Variants in ARL13B observed in about 807,000 individuals in gnomAD.
The protein encoded by ARL13B is ADP-ribosylation factor-like protein 13B.
A neutral mutation model predicts 56.1 loss-of-function variants in ARL13B; 36 were observed. That is an observed-to-expected ratio of 0.64 (90% CI 0.49 to 0.85). ARL13B has a LOEUF of 0.85. Among genes scored for constraint, ARL13B ranks in the 40% least tolerant of loss-of-function variants. The pLI is 0.00. For missense variants in ARL13B, 519 were observed against 507.1 expected, an observed-to-expected ratio of 1.02 and a Z score of -0.23; for synonymous variants, 178 against 171.1, an observed-to-expected ratio of 1.04 and a Z score of -0.32.
At chr3:94,049,237 A>T (rs2077029730) in intron 7 of ARL13B, among the ~76,000 whole-genome samples, 169 bp from the exon 8 acceptor site, 2 of 152,216 alleles carry the variant, frequency 1.3e-5, no homozygotes, top group Non-Finnish European at 2.9e-5. Flanking sequence ...TAAAAAATAT[A>T]TTCTTAGTAA....
Position 94,014,513 on chromosome 3 carries a change from T to C in ARL13B, c.380+10605T>C, listed in dbSNP as rs111366609. ...ACATACTCTTTTGTACTATTCACTGTCATTTCAATATTGTTGATGCTCTCT... is the reference window on the plus strand; with the variant it reads ...ACATACTCTTTTGTACTATTCACTGCCATTTCAATATTGTTGATGCTCTCT... On this transcript the variant is annotated intron_variant, in intron 3 of 9. Transcript: ENST00000394222. The C allele has an allele frequency of 1.1e-4, 173 of 1,612,416 alleles. 1 individual carries two copies. The African/African-American group carries it at 1.6e-3, about 15-fold the overall frequency.
chr3:93,980,359 G>T lies in ARL13B; in HGVS notation c.-65G>T. 6.3e-7 allele frequency: 1 copy of T among 1,596,288 alleles called. No individual in the cohort carries two copies. Among genetic ancestry groups the T allele is most frequent in the African/African-American group, 1.3e-5 (1 of 74,888 alleles). ...GTCTCGGAGTGCCGGAGGCCCCCGG[G>T]GAAGAGCGGGGTGCCGGTGTCCGCT... On this transcript the variant is annotated 5_prime_UTR_variant, in exon 1 of 10. Coordinates refer to ENST00000394222, the MANE Select transcript of ARL13B (RefSeq NM_001174150.2).
intron 1 of ARL13B, 106 bp downstream of exon 1, chr3:93,980,588 C>T: frequency 3.6e-6 from 5 of 1,371,732 alleles, no homozygotes; most frequent in Non-Finnish European, 5.1e-6. Flanking sequence ...TATCCCAGGC[C>T]GCAAGGGATG....
At chr3:93,984,906 G>T (rs1469534173) in intron 1 of ARL13B, among the ~76,000 whole-genome samples, 1 of 151,854 alleles carries the variant, frequency 6.6e-6, no homozygotes, top group African/African-American at 2.4e-5. Context: ...GCTACTTGGG[G>T]GGCTGAGGCA....
At chr3:94,049,370 A>G (rs780013297) in intron 7 of ARL13B, 36 bp from the exon 8 acceptor site, 5 of 1,330,292 alleles carry the variant, frequency 3.8e-6, no homozygotes, top group South Asian at 2.6e-5. Flanking sequence ...GCACTTTTTC[A>G]TAAAGACATG....
At position 94,043,230 on chromosome 3, in the gene ARL13B, A is replaced by G; in HGVS notation, c.1014A>G (p.Ser338=). The G allele has an allele frequency of 6.2e-7, 1 of 1,612,808 alleles. No individual in the cohort carries two copies. The highest frequency in any genetic ancestry group is 8.5e-7 in the Non-Finnish European group (1 of 1,179,372). ...LKNEDETDRP[S]LESANGKKKT... is the part of the protein sequence containing the mutation. Reference sequence around the variant, plus strand: ...ATGAAGATGAGACAGACCGGCCATCATTGGAATCAGGTAATAAATCTAGTT... The same window carrying G: ...ATGAAGATGAGACAGACCGGCCATCGTTGGAATCAGGTAATAAATCTAGTT... The change falls in exon 7 of 10, where the codon TCA becomes TCG. Residue 338 remains serine, a synonymous_variant. Transcript: ENST00000394222.
At chr3:93,991,611 T>G (rs1300353257) in intron 1 of ARL13B, among the ~76,000 whole-genome samples, 12 of 152,196 alleles carry the variant, frequency 7.9e-5, no homozygotes. Flanking sequence ...GCTTAAGTGA[T>G]CCTCCTGCTT....
At chr3:94,043,451 A>C (rs2076900018) in intron 7 of ARL13B, among the ~76,000 whole-genome samples, 1 of 150,390 alleles carries the variant, frequency 6.6e-6, no homozygotes, top group Non-Finnish European at 1.5e-5. Context: ...GTCCTTTGTA[A>C]CTTATAAGGA....
intron 6 of ARL13B, among the ~76,000 whole-genome samples, chr3:94,040,624 G>T (rs2076845280): frequency 6.7e-6 from 1 of 150,182 alleles, no homozygotes; most frequent in South Asian, 2.1e-4. Flanking sequence ...TGGCAGCAGC[G>T]ATGCCTCTTC....
At chr3:94,051,770 C>T (rs1286678319) in intron 9 of ARL13B, among the ~76,000 whole-genome samples, 1 of 152,056 alleles carries the variant, frequency 6.6e-6, no homozygotes, top group Non-Finnish European at 1.5e-5. Context: ...AAAAGCATTA[C>T]CATATAATTT....
intron 1 of ARL13B, among the ~76,000 whole-genome samples, chr3:93,987,673 C>T (rs867695899): frequency 5.9e-5 from 9 of 152,068 alleles, no homozygotes; most frequent in Admixed American, 1.3e-4. Context: ...TTTTCTGAAA[C>T]GGTCTCTCTC....
intron 3 of ARL13B, among the ~76,000 whole-genome samples, chr3:94,019,572 ACCCCC>A (rs2076405450): frequency 7.0e-6 from 1 of 143,190 alleles, no homozygotes; most frequent in Admixed American, 6.9e-5. Flanking sequence ...TGCACCAACT[ACCCCC>A]CATCCTGCCC....
chr3:94,047,199 G>A (rs1458261340), intron 7 of ARL13B, among the ~76,000 whole-genome samples: 2 of 152,082 alleles, frequency 1.3e-5, no homozygotes, highest in Non-Finnish European at 2.9e-5. Context: ...AATTTTTATA[G>A]TATCACAGGG....
At chr3:94,042,212 A>G (rs2076875959) in intron 6 of ARL13B, among the ~76,000 whole-genome samples, 1 of 152,212 alleles carries the variant, frequency 6.6e-6, no homozygotes, top group African/African-American at 2.4e-5. Context: ...GGTATTGAAT[A>G]TGATGTAGAA....
intron 3 of ARL13B, among the ~76,000 whole-genome samples, chr3:94,026,301 G>A (rs967941548): frequency 2.6e-5 from 4 of 152,088 alleles, no homozygotes; most frequent in South Asian, 4.1e-4. Flanking sequence ...TTAAACTTAC[G>A]ATTACATCAA....
chr3:94,043,132 C>G lies in ARL13B; in HGVS notation c.916C>G (p.His306Asp). ...EQIETQGQVNHNGQKNNEFGL... is the reference protein window; with the variant it reads ...EQIETQGQVNDNGQKNNEFGL... ...AATAGAGACACAAGGCCAGGTTAAT[C>G]ACAATGGCCAAAAAAATAATGAATT... The change falls in exon 7 of 10, where the codon CAC (histidine) becomes GAC (aspartate). Residue 306 changes from histidine to aspartate, a missense_variant. Physicochemically the swap from His to Asp is moderately conservative, Grantham distance 81 (BLOSUM62 -1). Transcript: ENST00000394222. 6.2e-7 allele frequency: 1 copy of G among 1,613,534 alleles called. No homozygotes were observed. The highest frequency in any genetic ancestry group is 8.5e-7 in the Non-Finnish European group (1 of 1,179,852).
At chr3:93,989,995 T>C (rs2075840473) in intron 1 of ARL13B, among the ~76,000 whole-genome samples, 1 of 148,782 alleles carries the variant, frequency 6.7e-6, no homozygotes, top group African/African-American at 2.4e-5. Flanking sequence ...TATCTCTTTT[T>C]TTTGTTTTGT....
At chr3:94,033,858 T>C (rs560674681) in intron 3 of ARL13B, among the ~76,000 whole-genome samples, 1 of 152,206 alleles carries the variant, frequency 6.6e-6, no homozygotes, top group African/African-American at 2.4e-5. Context: ...ACGGGAAATA[T>C]AGGATAGGTA....
Position 94,049,403 on chromosome 3 carries a change from T to C in ARL13B, c.1025-3T>C. ...ATGAAGTTTCATGTTTATATTCTTG[T>C]AGCTAATGGTAAAAAGAAAACTAAG... On this transcript the variant is annotated splice_region_variant and splice_polypyrimidine_tract_variant and intron_variant, in intron 7 of 9. Coordinates refer to ENST00000394222, the MANE Select transcript of ARL13B (RefSeq NM_001174150.2). 1 of 1,545,670 alleles carries C rather than the reference T, an allele frequency of 6.5e-7. No homozygotes were observed. Among genetic ancestry groups the C allele is most frequent in the South Asian group, 1.2e-5 (1 of 86,830 alleles).
Sources: allele counts gnomAD v4.1 joint callset (sites outside exome capture counted in the v4.1 genomes callset), GRCh38; gene constraint gnomAD v4.1.1; transcripts MANE v1.5; gene names NCBI Gene and HGNC (gene_info 2026-07-23, HGNC 2026-07-21).